The following CHN1 variants were observed in gnomAD, a reference collection of about 807,000 sequenced individuals.
CHN1 encodes the protein chimerin 1, also known as N-chimaerin.
CHN1 carries 37 observed loss-of-function variants against 59.5 expected under a neutral mutation model. The observed-to-expected ratio is 0.62, with a 90% CI of 0.48 to 0.82. The LOEUF (loss-of-function observed/expected upper bound fraction) is 0.82. CHN1 is among the 40% of genes least tolerant of loss of function. The pLI is 0.00. For missense variants in CHN1, 469 were observed against 571.0 expected (o/e 0.82, Z 1.82); for synonymous variants, 206 against 200.4 (o/e 1.03, Z -0.24).
intron 8 of CHN1, among the ~76,000 whole-genome samples, chr2:174,820,505 C>A (rs1685448833): frequency 6.6e-6 from 1 of 152,230 alleles, no homozygotes; most frequent in Non-Finnish European, 1.5e-5. Context: ...CATTCCCAAT[C>A]TGCAGTTAGC....
At chr2:174,968,959 T>C (rs1306995835) in intron 1 of CHN1, among the ~76,000 whole-genome samples, 1 of 152,244 alleles carries the variant, frequency 6.6e-6, no homozygotes, top group East Asian at 1.9e-4. Flanking sequence ...TTTATCCCAT[T>C]GAATGTGACC....
chr2:174,872,114 T>G (rs1371240441), intron 6 of CHN1, among the ~76,000 whole-genome samples: 1 of 152,010 alleles, frequency 6.6e-6, no homozygotes, highest in African/African-American at 2.4e-5. Flanking sequence ...AAACCTCATC[T>G]CTACAAAAAA....
intron 7 of CHN1, among the ~76,000 whole-genome samples, chr2:174,839,803 C>T (rs1036323180): frequency 6.6e-6 from 1 of 152,034 alleles, no homozygotes; most frequent in African/African-American, 2.4e-5. Context: ...AGAGTTTTGC[C>T]ATGTTGCCTA....
intron 8 of CHN1, among the ~76,000 whole-genome samples, chr2:174,818,016 A>C (rs1685342065): frequency 6.6e-6 from 1 of 151,802 alleles, no homozygotes; most frequent in African/African-American, 2.4e-5. Flanking sequence ...CAGATGGTCC[A>C]CCTGTCTTGG....
intron 2 of CHN1, among the ~76,000 whole-genome samples, chr2:174,946,503 C>G (rs905370647): frequency 2.6e-5 from 4 of 152,050 alleles, no homozygotes; most frequent in African/African-American, 9.7e-5. Context: ...TGGCAAAAAT[C>G]CCTAAGAGAG....
At chr2:174,980,472 T>A (rs926332806) in intron 1 of CHN1, among the ~76,000 whole-genome samples, 1 of 152,186 alleles carries the variant, frequency 6.6e-6, no homozygotes, top group Non-Finnish European at 1.5e-5. Context: ...AAATTTTTAG[T>A]CTTTTTTCCC....
chr2:174,857,487 A>G (rs1686941786), intron 6 of CHN1, among the ~76,000 whole-genome samples: 1 of 152,158 alleles, frequency 6.6e-6, no homozygotes. Flanking sequence ...CCTATACTAT[A>G]AACGGAACAT....
intron 7 of CHN1, among the ~76,000 whole-genome samples, chr2:174,825,436 C>G (rs1685653121): frequency 6.6e-6 from 1 of 152,120 alleles, no homozygotes; most frequent in Non-Finnish European, 1.5e-5. Flanking sequence ...ACTAACCATT[C>G]CAGCTCATAA....
intron 5 of CHN1, among the ~76,000 whole-genome samples, chr2:174,911,350 A>C (rs1158879785): frequency 6.6e-6 from 1 of 152,240 alleles, no homozygotes; most frequent in Non-Finnish European, 1.5e-5. Context: ...TGTTGTCAAA[A>C]TCAGCATACA....
intron 6 of CHN1, among the ~76,000 whole-genome samples, chr2:174,856,614 G>A (rs1004687087): frequency 3.9e-5 from 6 of 152,086 alleles, no homozygotes; most frequent in African/African-American, 7.2e-5. Flanking sequence ...TTCACACTAC[G>A]TGAAGAACAC....
intron 1 of CHN1, among the ~76,000 whole-genome samples, chr2:174,979,129 G>A (rs1261137095): frequency 6.6e-6 from 1 of 152,172 alleles, no homozygotes; most frequent in Admixed American, 6.5e-5. Context: ...ATACCAGAAG[G>A]ATAGCCAATT....
At chr2:174,830,802 A>G (rs1685854611) in intron 7 of CHN1, among the ~76,000 whole-genome samples, 1 of 152,204 alleles carries the variant, frequency 6.6e-6, no homozygotes, top group Non-Finnish European at 1.5e-5. Context: ...CAGCTGCTAT[A>G]GAGGTGGCCA....
At chr2:174,930,275 T>C (rs1259497027) in intron 3 of CHN1, among the ~76,000 whole-genome samples, 2 of 152,052 alleles carry the variant, frequency 1.3e-5, no homozygotes, top group African/African-American at 4.8e-5. Context: ...GCAAAGTGCA[T>C]GACATAACAG....
chr2:174,821,085 C>G (rs1341927900), intron 8 of CHN1, among the ~76,000 whole-genome samples: 3 of 152,150 alleles, frequency 2.0e-5, no homozygotes, highest in Non-Finnish European at 4.4e-5. Context: ...ACAATTGCTG[C>G]TATAACAAAT....
chr2:174,914,640 C>A (rs532773207), intron 5 of CHN1, among the ~76,000 whole-genome samples: 54 of 151,862 alleles, frequency 3.6e-4, no homozygotes, highest in Non-Finnish European at 6.8e-4. Context: ...GTCAAGAGAT[C>A]GAGACCATCC....
At chr2:174,848,981 T>C (rs1686637224) in intron 6 of CHN1, among the ~76,000 whole-genome samples, 1 of 152,196 alleles carries the variant, frequency 6.6e-6, no homozygotes, top group African/African-American at 2.4e-5. Flanking sequence ...ACCGACTCTT[T>C]AGACATGTAC....
At chr2:174,876,157 A>C (rs1272725796) in intron 6 of CHN1, among the ~76,000 whole-genome samples, 1 of 152,204 alleles carries the variant, frequency 6.6e-6, no homozygotes, top group Non-Finnish European at 1.5e-5. Context: ...ATCTCTGTGA[A>C]TATCAGTTCC....
Position 174,989,939 on chromosome 2 carries a change from C to T in CHN1, c.19+14955G>A, listed in dbSNP as rs552298536. Among the ~76,000 whole-genome samples the T allele has an allele frequency of 2.0e-5, 3 of 152,118 alleles. No individual in the cohort carries two copies. The East Asian group carries it at 5.8e-4, about 29-fold the overall frequency. On this transcript the variant is annotated intron_variant, in intron 1 of 12. Transcript: ENST00000409900. ...TTCCCCTGGTACAAACAGATAAGAC[C>T]TGAAAACACTGGACTTTTTCTATTA... is the stretch of plus-strand genomic sequence containing the variant.
intron 3 of CHN1, among the ~76,000 whole-genome samples, chr2:174,940,187 G>A (rs975010774): frequency 6.6e-6 from 1 of 151,994 alleles, no homozygotes; most frequent in African/African-American, 2.4e-5. Flanking sequence ...ATGCCACCAT[G>A]GCTGGCTAAT....
Sources: gnomAD v4.1 joint callset for allele counts (sites outside exome capture counted in the v4.1 genomes callset) on GRCh38, gnomAD v4.1.1 for gene constraint, MANE v1.5 for transcripts, NCBI Gene and HGNC (gene_info 2026-07-23, HGNC 2026-07-21) for gene names.